UMODL1: variants seen among roughly 807,000 people sequenced by gnomAD.
The protein encoded by UMODL1 is uromodulin-like 1.
A neutral mutation model predicts 136.3 loss-of-function variants in UMODL1; 128 were observed. The ratio of observed to expected loss-of-function variants is 0.94; its 90% confidence interval spans 0.81 to 1.09. UMODL1 has a LOEUF of 1.09. Among genes scored for constraint, UMODL1 ranks in the 50% least tolerant of loss-of-function variants. The pLI is 0.00. For missense variants in UMODL1, 1,766 were observed against 1,725.6 expected (o/e 1.02, Z -0.41); for synonymous variants, 721 against 720.0 (o/e 1.00, Z -0.02).
At chr21:42,077,366 C>T (rs114260649) in intron 2 of UMODL1, among the ~76,000 whole-genome samples, 4,728 of 152,040 alleles carry the variant, frequency 0.031, 229 homozygotes, top group African/African-American at 0.11. Flanking sequence ...AGCCGGCGAC[C>T]GAGAGACGGC....
chr21:42,135,668 A>G (rs1469642753), intron 21 of UMODL1, among the ~76,000 whole-genome samples: 1 of 152,124 alleles, frequency 6.6e-6, no homozygotes, highest in East Asian at 1.9e-4. Context: ...ATCGTGATTT[A>G]GGAGTTGTCT....
chr21:42,138,287 G>A (rs904786404), intron 22 of UMODL1, among the ~76,000 whole-genome samples: 5 of 152,208 alleles, frequency 3.3e-5, no homozygotes, highest in African/African-American at 9.7e-5. Context: ...GGATCCTAAC[G>A]ATGGTCCTCG....
chr21:42,077,502 A>G (rs220290), intron 2 of UMODL1, among the ~76,000 whole-genome samples: 95,652 of 151,426 alleles, frequency 0.63, 30,915 homozygotes, highest in Middle Eastern at 0.7. Flanking sequence ...AAAGTTAAAA[A>G]GATAAATGGT....
rs12483464 is a variant in UMODL1 at position 42,093,796 on chromosome 21, C to T, written c.931+3358C>T. 301 of 445,294 alleles carry T rather than the reference C, an allele frequency of 6.8e-4. 1 individual carries two copies. Among genetic ancestry groups the T allele is most frequent in the Admixed American group, 1.7e-3 (73 of 41,832 alleles). 27.6% of individuals were successfully genotyped at this position (445,294 alleles called of 1,614,324 possible). A position where few individuals can be genotyped will look rare whatever the true frequency, so the allele number is the denominator to read the frequency against. On this transcript the variant is annotated intron_variant, in intron 6 of 22. Transcript: ENST00000408910. ...GAGAGGTTTTCACAGTGGTCATCCCCGGGGTCTCCAGGTATTAAAAATTTC... is the reference window on the plus strand; with the variant it reads ...GAGAGGTTTTCACAGTGGTCATCCCTGGGGTCTCCAGGTATTAAAAATTTC...
intron 6 of UMODL1, among the ~76,000 whole-genome samples, chr21:42,091,176 C>A (rs1268618602): frequency 2.0e-5 from 3 of 152,200 alleles, no homozygotes; most frequent in Non-Finnish European, 2.9e-5. Context: ...GTGCTAGGTG[C>A]TGGTAATGGA....
At position 42,142,995 on chromosome 21, in the gene UMODL1, C is replaced by T. The variant is rs759294099; in HGVS notation, c.*921C>T. 2 of 152,218 alleles carry T rather than the reference C, an allele frequency of 1.3e-5. No individual in the cohort carries two copies. Among genetic ancestry groups the T allele is most frequent in the Non-Finnish European group, 2.9e-5 (2 of 68,040 alleles). The allele number at this position is 152,218 out of a possible 1,614,324, so 9.4% of individuals were successfully genotyped here. A position where few individuals can be genotyped will look rare whatever the true frequency, so the allele number is the denominator to read the frequency against. The stretch of plus-strand genomic sequence containing the variant: ...TAAACTGGAATTGTATTAGATAGCT[C>T]ACACCTGAAAGTAGAGTGTTTTTCC... On this transcript the variant is annotated 3_prime_UTR_variant, in exon 23 of 23. Transcript: ENST00000408910.
rs1249453309 is a variant in UMODL1, at chr21:42,085,049, C to G, written c.482-242C>G. 6.6e-6 allele frequency among the ~76,000 whole-genome samples: 1 copy of G among 152,082 alleles called. No homozygotes were observed. Among genetic ancestry groups the G allele is most frequent in the East Asian group, 1.9e-4 (1 of 5,168 alleles). On this transcript the variant is annotated intron_variant, in intron 3 of 22. Coordinates refer to ENST00000408910, the MANE Select transcript of UMODL1 (RefSeq NM_001004416.3). This position sits in a 1 kb window ranked among gnomAD's most constrained non-coding sequence, Gnocchi z 4.5. ...AAGGCCTGCTGCTGTGGGTCCCAGG[C>G]CCAGCTCACCTCTGAGCAGGGATCG...
rs1002628901 is a variant in UMODL1 at position 42,126,280 on chromosome 21, C to G, written c.3148-65C>G. On this transcript the variant is annotated intron_variant, in intron 17 of 22. Transcript: ENST00000408910. Reference sequence around the variant, plus strand: ...ATCCCCCCAGCACCTAGAGCCGTGGCCCACAGCAGGGCGTGGGGGGCCGGC... The same window carrying G: ...ATCCCCCCAGCACCTAGAGCCGTGGGCCACAGCAGGGCGTGGGGGGCCGGC... 6 of 1,602,666 alleles carry G rather than the reference C, an allele frequency of 3.7e-6. No homozygotes were observed. In the African/African-American group the frequency reaches 8.0e-5, roughly 21 times the overall value.
rs1390310892 is a variant in UMODL1, at chr21:42,129,707, A to C, written c.3691-6A>C. 21 of 1,574,626 alleles carry C rather than the reference A, an allele frequency of 1.3e-5. No individual in the cohort carries two copies. Among genetic ancestry groups the C allele is most frequent in the Non-Finnish European group, 1.8e-5 (21 of 1,167,608 alleles). The stretch of plus-strand genomic sequence containing the variant: ...GACGTTTCTCTTCTTGGAAAAAAAA[A>C]AACAGAATTGCAATAACTTTCGGTT... On this transcript the variant is annotated splice_region_variant and splice_polypyrimidine_tract_variant and intron_variant, in intron 20 of 22. Transcript: ENST00000408910.
rs2146469094 is a variant in UMODL1, at chr21:42,099,103, C to A, written c.1109C>A (p.Ala370Asp). Residue 370 changes from alanine (A) to aspartate (D), a missense_variant, in exon 7 of 23, where the codon GCT becomes GAT. By Grantham distance (126) the Ala-to-Asp change is moderately radical. Coordinates refer to ENST00000408910, the MANE Select transcript of UMODL1 (RefSeq NM_001004416.3). This position sits in a 1 kb window ranked among gnomAD's most constrained non-coding sequence, Gnocchi z 4.1. ...SQALAVAGLE[A>D]GVLYRVKTSY... is the part of the protein sequence containing the mutation. ...GCACTGGCAGTGGCTGGGCTGGAGG[C>A]TGGAGTGCTGTACAGGGTGAAGACC... 1 of 1,614,132 alleles carries A rather than the reference C, an allele frequency of 6.2e-7. No individual in the cohort carries two copies. Among genetic ancestry groups the A allele is most frequent in the East Asian group, 2.2e-5 (1 of 44,878 alleles).
chr21:42,122,837 C>A lies in UMODL1; in HGVS notation c.2834C>A (p.Ser945Tyr). 4 of 1,595,742 alleles carry A rather than the reference C, an allele frequency of 2.5e-6. No homozygotes were observed. Among genetic ancestry groups the A allele is most frequent in the Non-Finnish European group, 3.4e-6 (4 of 1,168,354 alleles). Residue 945 changes from serine to tyrosine, a missense_variant, in exon 17 of 23, where the codon TCT becomes TAT. Transcript: ENST00000408910. This position sits in a 1 kb window ranked among gnomAD's most constrained non-coding sequence, Gnocchi z 4.3. The part of the protein sequence containing the change: ...EYSERPCEGD[S>Y]PGNETWATSP... Reference sequence around the variant, plus strand: ...TCCTCCTTGTGCCTTGCAGGTGACTCTCCTGGCAATGAAACCTGGGCCACC... The same window carrying A: ...TCCTCCTTGTGCCTTGCAGGTGACTATCCTGGCAATGAAACCTGGGCCACC...
chr21:42,140,667 T>C (rs2067269588), intron 22 of UMODL1, among the ~76,000 whole-genome samples: 1 of 152,050 alleles, frequency 6.6e-6, no homozygotes, highest in East Asian at 1.9e-4. Flanking sequence ...ATTCTTGCAG[T>C]GGGGACACCA....
chr21:42,129,565 C>T (rs150065439), intron 20 of UMODL1, 148 bp from the exon 21 acceptor site: 3 of 622,838 alleles, frequency 4.8e-6, no homozygotes, highest in African/African-American at 1.9e-5. Context: ...AGGTCTCCCA[C>T]TCCTCTGTCT....
rs767054684 is a variant in UMODL1, at chr21:42,121,098, T to C, written c.2701T>C (p.Cys901Arg). The C allele has an allele frequency of 6.2e-6, 10 of 1,613,342 alleles. No homozygotes were observed. The East Asian group carries it at 2.2e-4, about 36-fold the overall frequency. Residue 901 changes from cysteine (C) to arginine (R), a missense_variant, in exon 16 of 23, where the codon TGT becomes CGT. Coordinates refer to ENST00000408910, the MANE Select transcript of UMODL1 (RefSeq NM_001004416.3). Reference protein sequence around the residue: ...GDTFIQDYDECERKEDDCVPG... With the variant: ...GDTFIQDYDERERKEDDCVPG... ...TAAATGTTGTGCAGATTACGATGAGTGTGAAAGGAAGGAGGACGACTGTGT... is the reference window on the plus strand; with the variant it reads ...TAAATGTTGTGCAGATTACGATGAGCGTGAAAGGAAGGAGGACGACTGTGT...
chr21:42,071,277 G>GT, upstream of UMODL1: 1 of 1,480,762 alleles, frequency 6.8e-7, no homozygotes, highest in Non-Finnish European at 9.0e-7. Context: ...AGGCTTCTTG[G>GT]TAGAGGCCCA....
rs1279768846 is a variant in UMODL1, at chr21:42,123,249, C to T, written c.3147+99C>T. 2.2e-6 allele frequency: 3 copies of T among 1,371,742 alleles called. No homozygotes were observed. Among genetic ancestry groups the T allele is most frequent in the East Asian group, 2.4e-5 (1 of 41,602 alleles). The allele number at this position is 1,371,742 out of a possible 1,614,324, so 85.0% of individuals were successfully genotyped here. On this transcript the variant is annotated intron_variant, in intron 17 of 22. Transcript: ENST00000408910. This position sits in a 1 kb window ranked among gnomAD's most constrained non-coding sequence, Gnocchi z 4.4. ...GGGAGGGCCAGGCAAGACTCTGCACCCCGAGGGGAACCCAGCAAGGGGGGT... is the reference window on the plus strand; with the variant it reads ...GGGAGGGCCAGGCAAGACTCTGCACTCCGAGGGGAACCCAGCAAGGGGGGT...
intron 21 of UMODL1, 101 bp from the exon 22 acceptor site, chr21:42,137,338 G>T: frequency 6.9e-7 from 1 of 1,445,268 alleles, no homozygotes; most frequent in Non-Finnish European, 9.5e-7. Context: ...TGCATTCCCC[G>T]TGCTTCAGAT....
At chr21:42,131,071 C>T (rs553930421) in intron 21 of UMODL1, among the ~76,000 whole-genome samples, 1 of 152,172 alleles carries the variant, frequency 6.6e-6, no homozygotes, top group Non-Finnish European at 1.5e-5. Context: ...CCTCGGCCTC[C>T]CAAAGTGCTA....
intron 5 of UMODL1, 67 bp from the exon 6 acceptor site, chr21:42,090,231 G>T (rs2146450595): frequency 3.7e-6 from 6 of 1,602,620 alleles, no homozygotes; most frequent in Non-Finnish European, 5.1e-6. Context: ...CCGTGTGTGT[G>T]CAGGTAGATG....
Sources: gnomAD v4.1 joint callset for allele counts (sites outside exome capture counted in the v4.1 genomes callset) on GRCh38, gnomAD v4.1.1 for gene constraint, Gnocchi (gnomAD v3.1) non-coding constraint, MANE v1.5 for transcripts, NCBI Gene and HGNC (gene_info 2026-07-23, HGNC 2026-07-21) for gene names.